MYCBPAP: variants seen among roughly 807,000 people sequenced by gnomAD.
MYCBPAP encodes MYCBP associated protein, also known as MYCBP-associated protein.
MYCBPAP carries 60 observed loss-of-function variants against 106.1 expected under a neutral mutation model. The observed-to-expected ratio is 0.57, with a 90% CI of 0.46 to 0.70. MYCBPAP has a LOEUF of 0.70. Among genes scored for constraint, MYCBPAP ranks in the 30% least tolerant of loss-of-function variants. MYCBPAP has a pLI of 0.00. For missense variants in MYCBPAP, 1,064 were observed against 1,169.3 expected (o/e 0.91, Z 1.31); for synonymous variants, 407 against 440.6 (o/e 0.92, Z 0.95).
At chr17:50,512,306 G>A (rs1222976673) in intron 1 of MYCBPAP, among the ~76,000 whole-genome samples, 1 of 151,936 alleles carries the variant, frequency 6.6e-6, no homozygotes, top group Non-Finnish European at 1.5e-5. Flanking sequence ...CACCTGCCTC[G>A]GCCTCCCAAA....
intron 7 of MYCBPAP, 116 bp downstream of exon 7, chr17:50,519,903 G>A: frequency 1.0e-5 from 12 of 1,163,624 alleles, no homozygotes; most frequent in South Asian, 3.2e-5. Flanking sequence ...GTTTCTCTGT[G>A]GTTCTCTGGG....
Position 50,521,355 on chromosome 17 carries a change from T to C in MYCBPAP, c.1072T>C (p.Phe358Leu), listed in dbSNP as rs1371425782. The change falls in exon 9 of 19, where the codon TTC becomes CTC. Residue 358 changes from phenylalanine (F) to leucine (L), a missense_variant. Transcript: ENST00000323776. ...GLEVVGKGWP[F>L]SAVTVEDYTV... is the part of the protein sequence containing the mutation. The stretch of plus-strand genomic sequence containing the variant: ...GGAGGTGGTGGGCAAAGGGTGGCCC[T>C]TCTCGGCTGTTACTGTGGAAGACTA... 1 of 1,605,872 alleles carries C rather than the reference T, an allele frequency of 6.2e-7. No individual in the cohort carries two copies. Among genetic ancestry groups the C allele is most frequent in the South Asian group, 1.1e-5 (1 of 89,298 alleles).
rs376571989 is a variant in MYCBPAP at position 50,529,131 on chromosome 17, T to A, written c.2667T>A (p.Ser889=). 9 of 1,613,714 alleles carry A rather than the reference T, an allele frequency of 5.6e-6. No homozygotes were observed. Among genetic ancestry groups the A allele is most frequent in the Non-Finnish European group, 6.8e-6 (8 of 1,180,024 alleles). Residue 889 remains serine (S), a synonymous_variant, in exon 18 of 19, where the codon TCT becomes TCA. Coordinates refer to ENST00000323776, the MANE Select transcript of MYCBPAP (RefSeq NM_032133.6). The part of the protein sequence containing the change: ...EDPTPDIILS[S]QEPIDPLVMG... ...CTACCCCTGACATCATCCTCTCTTC[T>A]CAAGAACCCATAGACCCCCTGGTCA... is the stretch of plus-strand genomic sequence containing the variant.
rs187033530 is a variant in MYCBPAP at position 50,520,375 on chromosome 17, C to T, written c.916+588C>T. 1.2e-3 allele frequency among the ~76,000 whole-genome samples: 177 copies of T among 152,052 alleles called. 1 individual carries two copies. Among genetic ancestry groups the T allele is most frequent in the African/African-American group, 4.0e-3 (166 of 41,444 alleles). The stretch of plus-strand genomic sequence containing the variant: ...CAAAAATTAGCTGGGCATGGTGGTG[C>T]GCGCCTAGAATCCCAGCTACTTGGG... On this transcript the variant is annotated intron_variant, in intron 7 of 18. Coordinates refer to ENST00000323776, the MANE Select transcript of MYCBPAP (RefSeq NM_032133.6).
intron 1 of MYCBPAP, chr17:50,508,995 C>T (rs1418056788): frequency 4.3e-6 from 3 of 702,710 alleles, no homozygotes; most frequent in Non-Finnish European, 7.8e-6. Flanking sequence ...GCCTCAGGGA[C>T]CACTGGCTGG....
chr17:50,519,102 G>A lies in MYCBPAP; in HGVS notation c.768+13G>A. 2 of 1,570,178 alleles carry A rather than the reference G, an allele frequency of 1.3e-6. No individual in the cohort carries two copies. Among genetic ancestry groups the A allele is most frequent in the Admixed American group, 1.7e-5 (1 of 58,882 alleles). On this transcript the variant is annotated intron_variant, in intron 6 of 18. Transcript: ENST00000323776. ...GCGTGATAGGAAAGTGAGGCCACCTGTCCTAAGTGCCCGGGGGCAGGGGGG... is the reference window on the plus strand; with the variant it reads ...GCGTGATAGGAAAGTGAGGCCACCTATCCTAAGTGCCCGGGGGCAGGGGGG...
chr17:50,519,217 A>T (rs2034168080), intron 6 of MYCBPAP, 128 bp downstream of exon 6: 2 of 651,872 alleles, frequency 3.1e-6, no homozygotes, highest in African/African-American at 1.8e-5. Flanking sequence ...TATCCATTGC[A>T]AAACATCATT....
At chr17:50,518,109 C>A (rs1237691936) in intron 4 of MYCBPAP, among the ~76,000 whole-genome samples, 3 of 152,222 alleles carry the variant, frequency 2.0e-5, no homozygotes, top group Non-Finnish European at 4.4e-5. Flanking sequence ...GCTTCCTGGG[C>A]CACGGGAAGA....
At chr17:50,509,501 A>C in intron 1 of MYCBPAP, 1 of 180,968 alleles carries the variant, frequency 5.5e-6, no homozygotes, top group Non-Finnish European at 1.1e-5. Flanking sequence ...GTTTCCATTT[A>C]TTTATTTTTA....
In MYCBPAP at chr17:50,531,464, A is replaced by C; in HGVS notation, c.*36A>C. On this transcript the variant is annotated 3_prime_UTR_variant, in exon 19 of 19. Coordinates refer to ENST00000323776, the MANE Select transcript of MYCBPAP (RefSeq NM_032133.6). ...CAAGCAACCTTCTGGAAAACGGGTT[A>C]ATAAATAAATCAATAAAGAACCTTC... The C allele has an allele frequency of 6.7e-7, 1 of 1,490,844 alleles. No individual in the cohort carries two copies. The highest frequency in any genetic ancestry group is 9.2e-7 in the Non-Finnish European group (1 of 1,089,718). 92.4% of individuals were successfully genotyped at this position (1,490,844 alleles called of 1,614,324 possible). A position where few individuals can be genotyped will look rare whatever the true frequency, so the allele number is the denominator to read the frequency against.
chr17:50,508,586 G>T lies in MYCBPAP; in HGVS notation c.-89G>T, dbSNP rs1322175040. 6 of 1,554,516 alleles carry T rather than the reference G, an allele frequency of 3.9e-6. No individual in the cohort carries two copies. Among genetic ancestry groups the T allele is most frequent in the African/African-American group, 1.4e-5 (1 of 72,890 alleles). ...CGGGGCACCGGTTGCTGTGGACGCA[G>T]TGGCGGCCGTTGGCTGGCGGGTGCG... On this transcript the variant is annotated 5_prime_UTR_variant, in exon 1 of 19. Coordinates refer to ENST00000323776, the MANE Select transcript of MYCBPAP (RefSeq NM_032133.6).
chr17:50,523,029 G>A lies in MYCBPAP; in HGVS notation c.1348G>A (p.Val450Met), dbSNP rs141814882. 98 of 1,613,946 alleles carry A rather than the reference G, an allele frequency of 6.1e-5. No individual in the cohort carries two copies. Among genetic ancestry groups the A allele is most frequent in the Non-Finnish European group, 7.5e-5 (89 of 1,180,032 alleles). ...ACTGACTGTGGTCAATAATGGCACC[G>A]TGGCCATTTGGTATGACTGGCGACG... ...SELTVVNNGT[V>M]AIWYDWRRQH... Residue 450 changes from valine (V) to methionine (M), a missense_variant, in exon 11 of 19, where the codon GTG becomes ATG. Coordinates refer to ENST00000323776, the MANE Select transcript of MYCBPAP (RefSeq NM_032133.6).
chr17:50,512,921 A>T lies in MYCBPAP; in HGVS notation c.77-3649A>T, dbSNP rs188079352. On this transcript the variant is annotated intron_variant, in intron 1 of 18. Coordinates refer to ENST00000323776, the MANE Select transcript of MYCBPAP (RefSeq NM_032133.6). ...AAACCCTGTCTCTACAAAACATACA[A>T]AAAATAGTTGGGCGGCCGGGTGCGG... Among the ~76,000 whole-genome samples, 804 of 152,216 alleles carry T rather than the reference A, an allele frequency of 5.3e-3. 7 individuals are homozygous for T. The highest frequency in any genetic ancestry group is 5.1e-3 in the Non-Finnish European group (349 of 68,024).
Position 50,510,491 on chromosome 17 carries a change from GTGTGTGTGTATATATA to G in MYCBPAP, c.76+1743_76+1758del, listed in dbSNP as rs1267794369. 5.5e-4 allele frequency: 63 copies of G among 113,824 alleles called. 1 individual carries two copies. Among genetic ancestry groups the G allele is most frequent in the African/African-American group, 1.9e-3 (60 of 32,076 alleles). The allele number at this position is 113,824 out of a possible 1,614,324, so 7.1% of individuals were successfully genotyped here. On this transcript the variant is annotated intron_variant, in intron 1 of 18. Coordinates refer to ENST00000323776, the MANE Select transcript of MYCBPAP (RefSeq NM_032133.6). The stretch of plus-strand genomic sequence containing the variant: ...TGTATATATGTGTGTGTGTGTGTGT[GTGTGTGTGTATATATA>G]TATATATATATATATATATATATAT...
intron 1 of MYCBPAP, among the ~76,000 whole-genome samples, chr17:50,514,190 A>T (rs927133995): frequency 1.3e-5 from 2 of 152,200 alleles, no homozygotes; most frequent in African/African-American, 4.8e-5. Flanking sequence ...CACCTGGCCA[A>T]CAGGCTGAAT....
intron 1 of MYCBPAP, among the ~76,000 whole-genome samples, chr17:50,514,087 C>T (rs1243750134): frequency 9.2e-5 from 14 of 152,136 alleles, no homozygotes. Context: ...ATAGGTTCTC[C>T]TGTGTTGCCC....
chr17:50,529,575 G>A (rs2034569881), intron 18 of MYCBPAP: 1 of 392,670 alleles, frequency 2.5e-6, no homozygotes, highest in Non-Finnish European at 5.1e-6. Flanking sequence ...TCATAGGGGT[G>A]GGGGATGGTT....
rs1364346738 is a variant in MYCBPAP at position 50,522,980 on chromosome 17, A to G, written c.1299A>G (p.Leu433=). The G allele has an allele frequency of 6.2e-6, 10 of 1,613,670 alleles. No individual in the cohort carries two copies. The highest frequency in any genetic ancestry group is 1.7e-5 in the Admixed American group (1 of 59,976). The change falls in exon 11 of 19, where the codon CTA becomes CTG. Residue 433 remains leucine, a synonymous_variant. Coordinates refer to ENST00000323776, the MANE Select transcript of MYCBPAP (RefSeq NM_032133.6). The stretch of plus-strand genomic sequence containing the variant: ...CTGCTCACTTGACCTTTGAAACCCT[A>G]GAAGGCGAGAAAACCTCCTCAGAAC... ...GIAAHLTFET[L]EGEKTSSELT...
chr17:50,510,522 T>G (rs1302419874), intron 1 of MYCBPAP: 34 of 136,034 alleles, frequency 2.5e-4, no homozygotes, highest in African/African-American at 8.8e-4. Context: ...TATATATATA[T>G]ATATATATAT....
Sources: gnomAD v4.1 joint callset for allele counts (sites outside exome capture counted in the v4.1 genomes callset) on GRCh38, gnomAD v4.1.1 for gene constraint, MANE v1.5 for transcripts, NCBI Gene and HGNC (gene_info 2026-07-23, HGNC 2026-07-21) for gene names.